The following RBKS variants were observed in gnomAD, a reference collection of about 807,000 sequenced individuals.
RBKS encodes the protein ribokinase.
In RBKS, 33 loss-of-function variants were observed where a neutral mutation model predicts 33.9. The observed-to-expected ratio is 0.97, with a 90% CI of 0.74 to 1.30. The LOEUF is 1.30. RBKS is among the 50% of genes most tolerant of loss of function. The probability of loss-of-function intolerance (pLI) is 0.00; values close to 1 mark genes in which losing one functional copy is unlikely to be tolerated. For synonymous variants in RBKS, 125 were observed against 143.0 expected (o/e 0.87, Z 0.90); for missense variants, 361 against 392.6 (o/e 0.92, Z 0.68).
chr2:27,846,922 G>A, intron 4 of RBKS, 120 bp downstream of exon 4: 1 of 624,056 alleles, frequency 1.6e-6, no homozygotes, highest in South Asian at 2.4e-5. Context: ...TATGTTTTAG[G>A]CCTTGGAGTG....
At chr2:27,883,012 A>T (rs950157059) in intron 1 of RBKS, among the ~76,000 whole-genome samples, 10 of 152,082 alleles carry the variant, frequency 6.6e-5, no homozygotes, top group African/African-American at 2.4e-4. Flanking sequence ...AAAAAAAAAT[A>T]ATAATGCCTG....
At chr2:27,870,249 CCA>C (rs2148225873) in intron 1 of RBKS, 1 of 152,988 alleles carries the variant, frequency 6.5e-6, no homozygotes, top group South Asian at 2.1e-4. Flanking sequence ...CCCCATAATT[CCA>C]GTTTGGCTTT....
At chr2:27,802,474 A>C (rs1677816468) in intron 7 of RBKS, among the ~76,000 whole-genome samples, 1 of 151,978 alleles carries the variant, frequency 6.6e-6, no homozygotes, top group South Asian at 2.1e-4. Context: ...ACGTGGTATA[A>C]AAATTTCACG....
chr2:27,831,303 C>A (rs888164202), intron 6 of RBKS, among the ~76,000 whole-genome samples: 4 of 152,106 alleles, frequency 2.6e-5, no homozygotes, highest in South Asian at 4.1e-4. Context: ...CCTCATGGAA[C>A]TTGTAATTTA....
intron 7 of RBKS, among the ~76,000 whole-genome samples, chr2:27,805,486 T>C (rs1387942077): frequency 6.6e-6 from 1 of 152,214 alleles, no homozygotes; most frequent in Admixed American, 6.5e-5. Flanking sequence ...CCACACAACA[T>C]AGTTGGCCCT....
intron 1 of RBKS, among the ~76,000 whole-genome samples, chr2:27,877,490 T>A (rs982082700): frequency 2.0e-5 from 3 of 152,154 alleles, no homozygotes; most frequent in Non-Finnish European, 1.5e-5. Context: ...AAAACAAAAT[T>A]AGGATTTTTT....
chr2:27,816,606 TTTTTTTG>T (rs1328305744), intron 7 of RBKS, among the ~76,000 whole-genome samples: 19 of 142,420 alleles, frequency 1.3e-4, no homozygotes, highest in East Asian at 9.9e-4. Flanking sequence ...AGGATATGTG[TTTTTTTG>T]TTTTTTTGTT....
At chr2:27,784,250 TG>T (rs1677356429) in intron 7 of RBKS, among the ~76,000 whole-genome samples, 1 of 151,826 alleles carries the variant, frequency 6.6e-6, no homozygotes, top group Non-Finnish European at 1.5e-5. Context: ...CCCGAAGTGC[TG>T]GGATTACAGG....
chr2:27,796,940 C>T (rs993154070), intron 7 of RBKS, among the ~76,000 whole-genome samples: 3 of 152,178 alleles, frequency 2.0e-5, no homozygotes, highest in Admixed American at 6.5e-5. Flanking sequence ...CCCTTGCCTG[C>T]CTGGGCCCTT....
chr2:27,805,924 C>T (rs1170274689), intron 7 of RBKS, among the ~76,000 whole-genome samples: 1 of 151,254 alleles, frequency 6.6e-6, no homozygotes, highest in African/African-American at 2.4e-5. Context: ...CAGGGTTTCA[C>T]TCTGTTTCCC....
chr2:27,850,935 T>A (rs1663734148), intron 2 of RBKS, among the ~76,000 whole-genome samples: 1 of 152,234 alleles, frequency 6.6e-6, no homozygotes, highest in Non-Finnish European at 1.5e-5. Flanking sequence ...GCAAACCACC[T>A]GGAACTGAGA....
chr2:27,846,984 T>A, intron 4 of RBKS, 58 bp downstream of exon 4: 1 of 1,233,478 alleles, frequency 8.1e-7, no homozygotes, highest in Non-Finnish European at 1.2e-6. Context: ...ATGCTTCTGA[T>A]CTAACTCTGG....
chr2:27,879,725 A>G (rs1664382580), intron 1 of RBKS, among the ~76,000 whole-genome samples: 1 of 152,170 alleles, frequency 6.6e-6, no homozygotes, highest in African/African-American at 2.4e-5. Context: ...ATGCACACAA[A>G]CTAGAAAAGT....
intron 1 of RBKS, chr2:27,861,674 T>G (rs55999595): frequency 0.032 from 11,395 of 354,366 alleles, 259 homozygotes; most frequent in South Asian, 0.074. Flanking sequence ...GGGGGGGGGG[T>G]GGAGTCTCAC....
rs189069882 is a variant in RBKS at position 27,810,146 on chromosome 2, G to A, written c.795+17421C>T. 24 of 1,264,474 alleles carry A rather than the reference G, an allele frequency of 1.9e-5. No individual in the cohort carries two copies. In the African/African-American group the frequency reaches 2.6e-4, roughly 14 times the overall value. 78.3% of individuals were successfully genotyped at this position (1,264,474 alleles called of 1,614,324 possible). On this transcript the variant is annotated intron_variant, in intron 7 of 7. Transcript: ENST00000302188. The surrounding 1 kb of genome is among the most constrained non-coding windows in gnomAD (Gnocchi z 4.4). Reference sequence around the variant, plus strand: ...CAACCAACTGTGTATGTCTTGGCTGGTGCACCTGGTATATTTGTCTACACA... The same window carrying A: ...CAACCAACTGTGTATGTCTTGGCTGATGCACCTGGTATATTTGTCTACACA...
rs77303442 is a variant in RBKS, at chr2:27,810,918, C to T, written c.795+16649G>A. Among the ~76,000 whole-genome samples, 4,175 of 152,234 alleles carry T rather than the reference C, an allele frequency of 0.027. 193 individuals carry two copies. The highest frequency in any genetic ancestry group is 0.095 in the African/African-American group (3,964 of 41,512). On this transcript the variant is annotated intron_variant, in intron 7 of 7. Coordinates refer to ENST00000302188, the MANE Select transcript of RBKS (RefSeq NM_022128.3). This position sits in a 1 kb window ranked among gnomAD's most constrained non-coding sequence, Gnocchi z 4.4. ...AAGTATAAATCTGATCAAATGTATC[C>T]CTTGCTTAAATGGCTCCCCATTGCC...
intron 7 of RBKS, among the ~76,000 whole-genome samples, chr2:27,788,919 C>T (rs1677456923): frequency 6.6e-6 from 1 of 152,086 alleles, no homozygotes. Context: ...TATAAATTCT[C>T]CCCAAATTGA....
chr2:27,867,340 C>G (rs1286433582), intron 1 of RBKS, among the ~76,000 whole-genome samples: 1 of 151,930 alleles, frequency 6.6e-6, no homozygotes, highest in Non-Finnish European at 1.5e-5. Context: ...AAGACAGATG[C>G]CTAGGTACAT....
At chr2:27,879,743 AAT>A (rs1311094761) in intron 1 of RBKS, among the ~76,000 whole-genome samples, 32 of 152,336 alleles carry the variant, frequency 2.1e-4, no homozygotes, top group Non-Finnish European at 3.4e-4. Flanking sequence ...AGTCAGAAGA[AAT>A]GGATAAATTC....
Sources: gnomAD v4.1 joint callset for allele counts (sites outside exome capture counted in the v4.1 genomes callset) on GRCh38, gnomAD v4.1.1 for gene constraint, Gnocchi (gnomAD v3.1) non-coding constraint, MANE v1.5 for transcripts, NCBI Gene and HGNC (gene_info 2026-07-23, HGNC 2026-07-21) for gene names.